TEX2: variants seen among roughly 807,000 people sequenced by gnomAD.
The protein encoded by TEX2 is testis expressed 2.
In TEX2, 53 loss-of-function variants were observed where a neutral mutation model predicts 106.9. The ratio of observed to expected loss-of-function variants is 0.50; its 90% CI spans 0.40 to 0.62. TEX2 has a LOEUF of 0.62. TEX2 is among the 20% of genes least tolerant of loss of function. TEX2 has a pLI of 0.00. For synonymous variants in TEX2, 523 were observed against 534.8 expected (o/e 0.98, Z 0.30); for missense variants, 1,207 against 1,379.0 (o/e 0.88, Z 1.98).
At chr17:64,227,228 A>C (rs893444120) in intron 1 of TEX2, among the ~76,000 whole-genome samples, 61 of 151,562 alleles carry the variant, frequency 4.0e-4, no homozygotes, top group Admixed American at 1.1e-3. Context: ...CCGTATCAAA[A>C]AAAAAAAAAA....
At chr17:64,252,821 C>T (rs1555637177) in intron 1 of TEX2, among the ~76,000 whole-genome samples, 1 of 152,022 alleles carries the variant, frequency 6.6e-6, no homozygotes, top group East Asian at 1.9e-4. Flanking sequence ...CAGGTATCTA[C>T]AACAGAATAT....
chr17:64,244,741 CCT>C (rs2033955460), intron 1 of TEX2, among the ~76,000 whole-genome samples: 1 of 152,136 alleles, frequency 6.6e-6, no homozygotes, highest in African/African-American at 2.4e-5. Context: ...ATTTCCCCCT[CCT>C]GTTTAAAAAA....
At chr17:64,156,407 A>G (rs543514010) in intron 8 of TEX2, among the ~76,000 whole-genome samples, 9 of 152,130 alleles carry the variant, frequency 5.9e-5, no homozygotes, top group Admixed American at 4.6e-4. Flanking sequence ...CTCTGCAGAA[A>G]CAAAAGCCTC....
chr17:64,183,782 A>T (rs2031972796), intron 5 of TEX2, among the ~76,000 whole-genome samples: 1 of 151,974 alleles, frequency 6.6e-6, no homozygotes, highest in African/African-American at 2.4e-5. Context: ...CTATCTTTTT[A>T]AAAATTTTTA....
rs2030231771 is a variant in TEX2, at chr17:64,149,486, A to G, written c.3262-395T>C. ...TTTATTAATAAATCCTAGCGATAAA[A>G]TGTAAGCTAATGGCCAGGTGCGATG... On this transcript the variant is annotated intron_variant, in intron 11 of 11. Coordinates refer to ENST00000584379, the MANE Select transcript of TEX2 (RefSeq NM_001288732.2). The G allele has an allele frequency of 3.1e-5, 5 of 161,378 alleles. No individual in the cohort carries two copies. In the Admixed American group the frequency reaches 3.2e-4, roughly 10 times the overall value. The allele number at this position is 161,378 out of a possible 1,614,324, so 10.0% of individuals were successfully genotyped here. A position where few individuals can be genotyped will look rare whatever the true frequency, so the allele number is the denominator to read the frequency against.
intron 1 of TEX2, among the ~76,000 whole-genome samples, chr17:64,239,811 G>C (rs1389614205): frequency 1.5e-5 from 2 of 137,624 alleles, no homozygotes; most frequent in Non-Finnish European, 3.1e-5. Context: ...GGGAGGCAGA[G>C]GTTGCAGTGA....
At chr17:64,188,945 G>A (rs2032195398) in intron 4 of TEX2, among the ~76,000 whole-genome samples, 1 of 152,006 alleles carries the variant, frequency 6.6e-6, no homozygotes, top group South Asian at 2.1e-4. Context: ...AAGAAATATA[G>A]TTGGTAGGTA....
Position 64,154,846 on chromosome 17 carries a change from C to A in TEX2, c.2926G>T (p.Glu976Ter). 6.2e-7 allele frequency: 1 copy of A among 1,600,438 alleles called. No homozygotes were observed. Among genetic ancestry groups the A allele is most frequent in the Non-Finnish European group, 8.5e-7 (1 of 1,173,608 alleles). ...GGDKQLLPGA[E>*]GYVGGHRTSK... ...CAGAAGCACTGATCCACTCACCCTT[C>A]AGCCCCTGGGAGGAGCTGTTTGTCT... Residue 976 changes from glutamate (E) to a stop codon, truncating the protein, a stop_gained, in exon 9 of 12, where the codon GAA becomes TAA. Coordinates refer to ENST00000584379, the MANE Select transcript of TEX2 (RefSeq NM_001288732.2). LOFTEE classifies it high-confidence loss of function.
At chr17:64,173,399 A>G (rs2143752356) in intron 6 of TEX2, among the ~76,000 whole-genome samples, 1 of 152,316 alleles carries the variant, frequency 6.6e-6, no homozygotes, top group East Asian at 1.9e-4. Flanking sequence ...TAAATATTCC[A>G]CATAAAATGA....
At chr17:64,233,220 T>C (rs1305551703) in intron 1 of TEX2, among the ~76,000 whole-genome samples, 2 of 152,104 alleles carry the variant, frequency 1.3e-5, no homozygotes, top group African/African-American at 4.8e-5. Flanking sequence ...GGGCCCACCC[T>C]GGAACTGAGA....
At chr17:64,151,953 T>TA (rs2030379041) in intron 10 of TEX2, among the ~76,000 whole-genome samples, 1 of 152,226 alleles carries the variant, frequency 6.6e-6, no homozygotes, top group African/African-American at 2.4e-5. Flanking sequence ...CTCTTTTTTT[T>TA]AACAATGAAA....
At chr17:64,244,715 T>C (rs539231580) in intron 1 of TEX2, among the ~76,000 whole-genome samples, 63 of 152,202 alleles carry the variant, frequency 4.1e-4, no homozygotes, top group Non-Finnish European at 6.2e-4. Flanking sequence ...CAACATCCTG[T>C]AAGAATAACA....
At chr17:64,250,926 A>G (rs1427454796) in intron 1 of TEX2, among the ~76,000 whole-genome samples, 3 of 152,142 alleles carry the variant, frequency 2.0e-5, no homozygotes, top group African/African-American at 7.2e-5. Context: ...TCCTGAACTC[A>G]AGGGATCCAC....
chr17:64,170,458 C>T lies in TEX2; in HGVS notation c.2671+642G>A, dbSNP rs533730386. ...ACCCGTGAGGGCCATGAGAGGTGAG[C>T]GGAACTGAAATCCAGCCACTGCCTC... On this transcript the variant is annotated intron_variant, in intron 7 of 11. Transcript: ENST00000584379. Among the ~76,000 whole-genome samples the T allele has an allele frequency of 4.6e-5, 7 of 152,124 alleles. No homozygotes were observed. The South Asian group carries it at 1.0e-3, about 23-fold the overall frequency.
At position 64,147,264 on chromosome 17, in the gene TEX2, G is replaced by C. The variant is rs2030082133; in HGVS notation, c.*1705C>G. On this transcript the variant is annotated 3_prime_UTR_variant, in exon 12 of 12. Transcript: ENST00000584379. ...CTTTAAATGTGGGCTGAAGATAATG[G>C]CACATAGTTTGAAGGATGTAGTGAG... The C allele has an allele frequency of 1.3e-5, 2 of 152,220 alleles. No homozygotes were observed. Among genetic ancestry groups the C allele is most frequent in the Admixed American group, 1.3e-4 (2 of 15,278 alleles). The allele number at this position is 152,220 out of a possible 1,614,324, so 9.4% of individuals were successfully genotyped here. A position where few individuals can be genotyped will look rare whatever the true frequency, so the allele number is the denominator to read the frequency against.
intron 1 of TEX2, chr17:64,230,713 G>T (rs996856682): frequency 1.3e-5 from 2 of 152,200 alleles, no homozygotes; most frequent in Non-Finnish European, 2.9e-5. Context: ...ACCTCCCTGA[G>T]CCTGGGGTTC....
intron 2 of TEX2, among the ~76,000 whole-genome samples, chr17:64,202,879 A>C (rs2032714898): frequency 6.6e-6 from 1 of 152,184 alleles, no homozygotes; most frequent in Non-Finnish European, 1.5e-5. Context: ...GGGGACAATG[A>C]CCCAGTCAGC....
Position 64,153,178 on chromosome 17 carries a change from C to T in TEX2, c.2931-24G>A, listed in dbSNP as rs367973103. 23 of 1,566,346 alleles carry T rather than the reference C, an allele frequency of 1.5e-5. No homozygotes were observed. Among genetic ancestry groups the T allele is most frequent in the Middle Eastern group, 1.7e-4 (1 of 5,914 alleles). ...ACCTTCAAATGTGGAACACAAAGGG[C>T]GGTTAGCACAAACTTTGCTCTTTTC... On this transcript the variant is annotated intron_variant, in intron 9 of 11. Transcript: ENST00000584379. This position sits in a 1 kb window ranked among gnomAD's most constrained non-coding sequence, Gnocchi z 4.1.
chr17:64,176,192 C>T lies in TEX2; in HGVS notation c.2571+1133G>A, dbSNP rs907422349. On this transcript the variant is annotated intron_variant, in intron 6 of 11. Transcript: ENST00000584379. ...GCTCAGAAGGCAGCCCCTCCTTCCT[C>T]TTTCTCAGGAGCTGGGGAAGAAGGG... Among the ~76,000 whole-genome samples the T allele has an allele frequency of 3.9e-5, 6 of 152,206 alleles. No individual in the cohort carries two copies. In the South Asian group the frequency reaches 8.3e-4, roughly 21 times the overall value.
Sources: gnomAD v4.1 joint callset for allele counts (sites outside exome capture counted in the v4.1 genomes callset) on GRCh38, gnomAD v4.1.1 for gene constraint, Gnocchi (gnomAD v3.1) non-coding constraint, MANE v1.5 for transcripts, NCBI Gene and HGNC (gene_info 2026-07-23, HGNC 2026-07-21) for gene names.